PCDH15: variants seen among roughly 807,000 people sequenced by gnomAD.
The protein encoded by PCDH15 is protocadherin related 15.
In PCDH15, 129 loss-of-function variants were observed where a neutral mutation model predicts 178.5. That is an observed-to-expected ratio of 0.72 (90% CI 0.63 to 0.84). The LOEUF (loss-of-function observed/expected upper bound fraction) is 0.84. Among genes scored for constraint, PCDH15 ranks in the 40% least tolerant of loss-of-function variants. The pLI, the probability that PCDH15 is intolerant of heterozygous loss-of-function variation, is 0.00. For missense variants in PCDH15, 2,230 were observed against 2,099.9 expected (o/e 1.06, Z -1.21); for synonymous variants, 800 against 732.0 (o/e 1.09, Z -1.50).
intron 2 of PCDH15, among the ~76,000 whole-genome samples, chr10:55,549,175 T>TG (rs202030939): frequency 8.1e-4 from 123 of 151,686 alleles, no homozygotes; most frequent in African/African-American, 2.9e-3. Context: ...TTTGTTTGTT[T>TG]TTTCCCCCCC....
At chr10:54,634,050 CA>C (rs568850104) in intron 2 of PCDH15, among the ~76,000 whole-genome samples, 1 of 152,232 alleles carries the variant, frequency 6.6e-6, no homozygotes, top group African/African-American at 2.4e-5. Flanking sequence ...CCATTACTTT[CA>C]GGTTTCTTGT....
At chr10:55,395,943 C>T (rs981256572) in intron 2 of PCDH15, among the ~76,000 whole-genome samples, 4 of 152,040 alleles carry the variant, frequency 2.6e-5, no homozygotes, top group African/African-American at 7.2e-5. Context: ...TATATTCAAT[C>T]TAAATTCTAC....
chr10:55,476,423 T>C (rs1278388213), intron 2 of PCDH15, among the ~76,000 whole-genome samples: 1 of 152,044 alleles, frequency 6.6e-6, no homozygotes, highest in Non-Finnish European at 1.5e-5. Context: ...ACTAGATTCA[T>C]GTTCTTCTGA....
At chr10:54,723,606 G>A (rs78522258) in intron 1 of PCDH15, among the ~76,000 whole-genome samples, 2 of 151,600 alleles carry the variant, frequency 1.3e-5, no homozygotes, top group East Asian at 3.9e-4. Flanking sequence ...AGATTAAACA[G>A]ATAACCTAAA....
chr10:54,822,871 A>T (rs1441513264), intron 3 of PCDH15, among the ~76,000 whole-genome samples: 2 of 151,782 alleles, frequency 1.3e-5, no homozygotes, highest in East Asian at 3.9e-4. Context: ...AACGCATTTT[A>T]ATATAATATA....
At chr10:54,108,317 G>A (rs2094953859) in intron 15 of PCDH15, among the ~76,000 whole-genome samples, 1 of 152,114 alleles carries the variant, frequency 6.6e-6, no homozygotes, top group African/African-American at 2.4e-5. Context: ...GAGGATCTGT[G>A]CACTTGAGAG....
At chr10:54,698,598 A>G (rs1223070928) in intron 1 of PCDH15, among the ~76,000 whole-genome samples, 2 of 152,156 alleles carry the variant, frequency 1.3e-5, no homozygotes, top group Non-Finnish European at 2.9e-5. Context: ...TCCACCCTCT[A>G]CATCATTTCA....
rs573429090 is a variant in PCDH15 at position 53,869,413 on chromosome 10, C to T, written c.3502-2556G>A. On this transcript the variant is annotated intron_variant, in intron 26 of 37. Transcript: ENST00000644397. ...AAAGTCTGAGTCAAGGTATCCAAGA[C>T]ATTTCTTCCACATAGAATGAGCAAA... 4.6e-5 allele frequency among the ~76,000 whole-genome samples: 7 copies of T among 152,264 alleles called. No homozygotes were observed. In the South Asian group the frequency reaches 8.3e-4, roughly 18 times the overall value.
intron 3 of PCDH15, among the ~76,000 whole-genome samples, chr10:54,888,846 C>A (rs1469588663): frequency 6.8e-6 from 1 of 146,136 alleles, no homozygotes; most frequent in East Asian, 2.0e-4. Flanking sequence ...TTTGTACATG[C>A]TAAATGATAT....
chr10:55,269,866 C>A (rs559948450), intron 1 of PCDH15, among the ~76,000 whole-genome samples: 1 of 152,078 alleles, frequency 6.6e-6, no homozygotes, highest in African/African-American at 2.4e-5. Flanking sequence ...CATCACATTT[C>A]CCAGTGTCAA....
chr10:54,143,066 C>A (rs564691413), intron 14 of PCDH15, among the ~76,000 whole-genome samples: 1 of 152,154 alleles, frequency 6.6e-6, no homozygotes, highest in African/African-American at 2.4e-5. Flanking sequence ...CTCAAACCAA[C>A]CTTTTTGGAT....
intron 2 of PCDH15, among the ~76,000 whole-genome samples, chr10:54,536,638 C>A (rs192943997): frequency 2.0e-5 from 3 of 151,974 alleles, no homozygotes; most frequent in African/African-American, 7.3e-5. Context: ...AATACTTGTC[C>A]CTCTTCCACC....
chr10:54,812,353 C>A (rs1265404802), intron 3 of PCDH15, among the ~76,000 whole-genome samples: 1 of 151,588 alleles, frequency 6.6e-6, no homozygotes, highest in Non-Finnish European at 1.5e-5. Context: ...TCATTGCAAC[C>A]TCTGCCTCCT....
intron 1 of PCDH15, among the ~76,000 whole-genome samples, chr10:55,181,041 T>C (rs904602575): frequency 3.9e-5 from 6 of 152,040 alleles, no homozygotes; most frequent in African/African-American, 1.4e-4. Context: ...GGACTTACTT[T>C]AGATAGTGTG....
intron 20 of PCDH15, among the ~76,000 whole-genome samples, chr10:54,010,552 G>T (rs2092546810): frequency 3.3e-5 from 5 of 152,148 alleles, no homozygotes; most frequent in Admixed American, 3.3e-4. Flanking sequence ...GCAGGTCTCT[G>T]CCTCTGCTAC....
chr10:54,732,435 CA>C (rs1943542211), intron 1 of PCDH15, among the ~76,000 whole-genome samples: 1 of 151,244 alleles, frequency 6.6e-6, no homozygotes. Context: ...GCAAATTCAC[CA>C]ACAAATATAA....
At chr10:54,528,276 G>A (rs1293282055) in intron 2 of PCDH15, 1 of 1,009,474 alleles carries the variant, frequency 9.9e-7, no homozygotes, top group South Asian at 1.4e-5. Flanking sequence ...GTGATAAAGG[G>A]TCTAATTAGA....
intron 1 of PCDH15, among the ~76,000 whole-genome samples, chr10:55,251,480 ATAT>A (rs1233856562): frequency 2.0e-5 from 3 of 152,170 alleles, no homozygotes; most frequent in Non-Finnish European, 4.4e-5. Flanking sequence ...TCTAGGACTG[ATAT>A]TATTCATTCA....
At chr10:54,811,149 G>A (rs1458462025) in intron 3 of PCDH15, among the ~76,000 whole-genome samples, 1 of 150,028 alleles carries the variant, frequency 6.7e-6, no homozygotes, top group Non-Finnish European at 1.5e-5. Flanking sequence ...ATATATATAT[G>A]TAAATATATA....
Sources: allele counts gnomAD v4.1 joint callset (sites outside exome capture counted in the v4.1 genomes callset), GRCh38; gene constraint gnomAD v4.1.1; transcripts MANE v1.5; gene names NCBI Gene and HGNC (gene_info 2026-07-23, HGNC 2026-07-21).